The following KCNT1 variants were observed in gnomAD, a reference collection of about 807,000 sequenced individuals.
KCNT1 encodes the protein potassium sodium-activated channel subfamily T member 1, also known as potassium channel subfamily T member 1.
Under a neutral mutation model 147.8 loss-of-function variants are expected in KCNT1, and 78 were observed. The ratio of observed to expected loss-of-function variants is 0.53; its 90% CI spans 0.44 to 0.64. KCNT1 has a LOEUF of 0.64. Among genes scored for constraint, KCNT1 ranks in the 30% least tolerant of loss-of-function variants. The pLI is 0.00. For missense variants in KCNT1, 1,419 were observed against 1,750.3 expected (o/e 0.81, Z 3.38); for synonymous variants, 867 against 748.8 (o/e 1.16, Z -2.58).
At chr9:135,778,037 C>G (rs915620591) in intron 21 of KCNT1, among the ~76,000 whole-genome samples, 4 of 152,150 alleles carry the variant, frequency 2.6e-5, no homozygotes, top group Non-Finnish European at 5.9e-5. Flanking sequence ...CCTCTCTCCC[C>G]CTTTCCCCCT....
chr9:135,785,134 G>A (rs979672746), intron 27 of KCNT1, among the ~76,000 whole-genome samples, 176 bp from the exon 28 acceptor site: 3 of 152,212 alleles, frequency 2.0e-5, no homozygotes, highest in Non-Finnish European at 4.4e-5. Flanking sequence ...ACCGGGGGCA[G>A]AGAGGCTCAG....
rs1046663215 is a variant in KCNT1, at chr9:135,772,055, C to A, written c.2009-660C>A. On this transcript the variant is annotated intron_variant, in intron 18 of 30. Transcript: ENST00000371757. ...GCGGAGCCCACCACCTGCCAGACCC[C>A]GCAGGTTCCCGGCCGCCGTCTACGG... is the stretch of plus-strand genomic sequence containing the variant. 2.0e-5 allele frequency among the ~76,000 whole-genome samples: 3 copies of A among 152,194 alleles called. No homozygotes were observed. The South Asian group carries it at 6.2e-4, about 31-fold the overall frequency.
intron 24 of KCNT1, among the ~76,000 whole-genome samples, chr9:135,782,931 G>C (rs1232551170): frequency 6.6e-6 from 1 of 152,232 alleles, no homozygotes; most frequent in Non-Finnish European, 1.5e-5. Context: ...ACCGGCCACT[G>C]ATGAGTAAGG....
chr9:135,732,548 G>T (rs542893392), intron 2 of KCNT1, among the ~76,000 whole-genome samples: 5 of 152,098 alleles, frequency 3.3e-5, no homozygotes, highest in Non-Finnish European at 5.9e-5. Flanking sequence ...TGGGCTCTCC[G>T]CTTGCTTCTG....
intron 1 of KCNT1, among the ~76,000 whole-genome samples, chr9:135,703,429 A>G (rs922818838): frequency 1.3e-5 from 2 of 152,152 alleles, no homozygotes; most frequent in East Asian, 3.9e-4. Context: ...CTGGTGAGGG[A>G]CCAGGCTGGA....
In KCNT1 at chr9:135,777,442, C is replaced by T. The variant is rs149452823; in HGVS notation, c.2454C>T (p.Ile818=). Residue 818 remains isoleucine, a synonymous_variant, in exon 21 of 31, where the codon ATC becomes ATT. Transcript: ENST00000371757. The part of the protein sequence containing the change: ...ETAGNGLYNF[I]VPLRAYYRSR... ...CCGGCAATGGGCTGTACAACTTCAT[C>T]GTGCCACTGCGGGCCTACTACAGAT... 5.6e-5 allele frequency: 90 copies of T among 1,613,952 alleles called. No individual in the cohort carries two copies. The highest frequency in any genetic ancestry group is 4.4e-4 in the African/African-American group (33 of 74,896).
intron 3 of KCNT1, 75 bp downstream of exon 3, chr9:135,750,252 G>A (rs1024351466): frequency 1.8e-5 from 22 of 1,209,002 alleles, no homozygotes; most frequent in Non-Finnish European, 2.1e-5. Flanking sequence ...TGGCGATGGC[G>A]AAGGCTGGGG....
At chr9:135,764,181 G>T (rs1193777859) in intron 11 of KCNT1, among the ~76,000 whole-genome samples, 1 of 152,154 alleles carries the variant, frequency 6.6e-6, no homozygotes, top group Non-Finnish European at 1.5e-5. Flanking sequence ...AACAAGCCGG[G>T]CACCATGACT....
chr9:135,762,575 C>G (rs1831988981), intron 11 of KCNT1, among the ~76,000 whole-genome samples: 1 of 152,004 alleles, frequency 6.6e-6, no homozygotes, highest in South Asian at 2.1e-4. Context: ...TGGCAAAACC[C>G]CGTCTCTACC....
chr9:135,724,028 G>A (rs1836029505), intron 2 of KCNT1, among the ~76,000 whole-genome samples: 1 of 152,210 alleles, frequency 6.6e-6, no homozygotes, highest in African/African-American at 2.4e-5. Context: ...AGAGGCCCCG[G>A]GAAGCTCCAT....
intron 22 of KCNT1, 84 bp downstream of exon 22, chr9:135,778,579 C>G: frequency 6.2e-7 from 1 of 1,601,352 alleles, no homozygotes; most frequent in African/African-American, 1.3e-5. Context: ...ACCCCGACCG[C>G]AGGTGGGGTG....
At chr9:135,750,431 G>A (rs952197165) in intron 3 of KCNT1, 5 of 551,506 alleles carry the variant, frequency 9.1e-6, no homozygotes, top group Admixed American at 6.0e-5. Flanking sequence ...TGGGGACACC[G>A]TCCTGCCTGC....
At chr9:135,728,199 A>G (rs2131355969) in intron 2 of KCNT1, among the ~76,000 whole-genome samples, 1 of 152,298 alleles carries the variant, frequency 6.6e-6, no homozygotes, top group South Asian at 2.1e-4. Context: ...CCTCCAAGGA[A>G]GCGTAGCCTT....
Position 135,792,185 on chromosome 9 carries a change from C to A in KCNT1, c.*24C>A. On this transcript the variant is annotated 3_prime_UTR_variant, in exon 31 of 31. Transcript: ENST00000371757. The stretch of plus-strand genomic sequence containing the variant: ...GAGCCAGCCCTGCACGGAGCTCAGG[C>A]CACCAAGCCCGGGGTCCTCAGGAAG... 6.3e-7 allele frequency: 1 copy of A among 1,597,398 alleles called. No individual in the cohort carries two copies. The highest frequency in any genetic ancestry group is 2.2e-5 in the East Asian group (1 of 44,666).
In KCNT1 at chr9:135,777,951, C is replaced by T. The variant is rs143041247; in HGVS notation, c.2522+441C>T. Among the ~76,000 whole-genome samples, 1,015 of 143,680 alleles carry T rather than the reference C, an allele frequency of 7.1e-3. 5 individuals are homozygous for T. Among genetic ancestry groups the T allele is most frequent in the Middle Eastern group, 0.018 (5 of 284 alleles). The allele number at this position is 143,680 out of a possible 152,430, so 94.3% of individuals were successfully genotyped here. On this transcript the variant is annotated intron_variant, in intron 21 of 30. Coordinates refer to ENST00000371757, the MANE Select transcript of KCNT1 (RefSeq NM_020822.3). ...CAGTTCCTCTGGCCACCAGCTCCTCCCCACTCCCAGTTCCTCTGTCTCCCA... is the reference window on the plus strand; with the variant it reads ...CAGTTCCTCTGGCCACCAGCTCCTCTCCACTCCCAGTTCCTCTGTCTCCCA...
chr9:135,785,174 C>A, intron 27 of KCNT1, 136 bp from the exon 28 acceptor site: 1 of 1,350,794 alleles, frequency 7.4e-7, no homozygotes, highest in Non-Finnish European at 1.0e-6. Context: ...ACGGGCAGCC[C>A]CTGTGCTGCA....
At chr9:135,713,494 C>T (rs747462172) in intron 1 of KCNT1, among the ~76,000 whole-genome samples, 5 of 152,182 alleles carry the variant, frequency 3.3e-5, no homozygotes, top group Non-Finnish European at 7.3e-5. Context: ...GGAATGTGCC[C>T]ACCCCTCCCG....
At chr9:135,718,896 T>C (rs1228948315) in intron 2 of KCNT1, among the ~76,000 whole-genome samples, 2 of 152,204 alleles carry the variant, frequency 1.3e-5, no homozygotes, top group African/African-American at 4.8e-5. Context: ...GCTGTACTGC[T>C]GGGCAGGCCG....
chr9:135,772,065 C>T (rs764410814), intron 18 of KCNT1, among the ~76,000 whole-genome samples: 14 of 152,198 alleles, frequency 9.2e-5, no homozygotes, highest in African/African-American at 2.9e-4. Context: ...CGCAGGTTCC[C>T]GGCCGCCGTC....
Sources: gnomAD v4.1 joint callset for allele counts (sites outside exome capture counted in the v4.1 genomes callset) on GRCh38, gnomAD v4.1.1 for gene constraint, MANE v1.5 for transcripts, NCBI Gene and HGNC (gene_info 2026-07-23, HGNC 2026-07-21) for gene names.